Variants in MAP3K21 observed in about 807,000 individuals in gnomAD.
MAP3K21 encodes mitogen-activated protein kinase kinase kinase MLK4.
Under a neutral mutation model 86.1 loss-of-function variants are expected in MAP3K21, and 63 were observed. The ratio of observed to expected loss-of-function variants is 0.73; its 90% CI spans 0.60 to 0.90. The LOEUF (loss-of-function observed/expected upper bound fraction) is 0.90. Among genes scored for constraint, MAP3K21 ranks in the 40% least tolerant of loss-of-function variants. The probability of loss-of-function intolerance (pLI) is 0.00; values close to 1 mark genes in which losing one functional copy is unlikely to be tolerated. For missense variants in MAP3K21, 1,220 were observed against 1,367.7 expected (o/e 0.89, Z 1.70); for synonymous variants, 558 against 564.8 (o/e 0.99, Z 0.17).
At position 233,379,187 on chromosome 1, in the gene MAP3K21, C is replaced by G. The variant is rs201566282; in HGVS notation, c.2181C>G (p.Thr727=). Residue 727 remains threonine (T), a synonymous_variant, in exon 9 of 10, where the codon ACC becomes ACG. Coordinates refer to ENST00000366624, the MANE Select transcript of MAP3K21 (RefSeq NM_032435.3). Reference sequence around the variant, plus strand: ...CGGAGTCAGCTCTGTATGGGTGCACCGTCCTTCTGGCATCGGTGGCTCTGG... The same window carrying G: ...CGGAGTCAGCTCTGTATGGGTGCACGGTCCTTCTGGCATCGGTGGCTCTGG... The part of the protein sequence containing the change: ...KKTESALYGC[T]VLLASVALGL... 1.9e-6 allele frequency: 3 copies of G among 1,614,188 alleles called. No individual in the cohort carries two copies. Among genetic ancestry groups the G allele is most frequent in the Non-Finnish European group, 2.5e-6 (3 of 1,180,036 alleles).
At chr1:233,329,445 C>T (rs1294311) in intron 1 of MAP3K21, among the ~76,000 whole-genome samples, 5 of 151,750 alleles carry the variant, frequency 3.3e-5, no homozygotes, top group Admixed American at 2.0e-4. Flanking sequence ...CCTGAGGTTA[C>T]GAGTTTGAGA....
intron 2 of MAP3K21, among the ~76,000 whole-genome samples, chr1:233,349,165 GA>G (rs1481148115): frequency 6.6e-6 from 1 of 152,182 alleles, no homozygotes; most frequent in Admixed American, 6.5e-5. Flanking sequence ...GGTGAAGGCT[GA>G]GCGTGTGTGT....
Position 233,346,588 on chromosome 1 carries a change from T to G in MAP3K21, c.952T>G (p.Ser318Ala), listed in dbSNP as rs1481788846. ...CTGGATGGCCCCCGAAGTGATCAAG[T>G]CTTCCTTGTTTTCTAAGGGAAGCGA... ...YAWMAPEVIKSSLFSKGSDIW... is the reference protein window; with the variant it reads ...YAWMAPEVIKASLFSKGSDIW... The change falls in exon 2 of 10, where the codon TCT (serine) becomes GCT (alanine). Residue 318 changes from serine to alanine, a missense_variant. Ser to Ala is a moderately conservative substitution (Grantham distance 99). Coordinates refer to ENST00000366624, the MANE Select transcript of MAP3K21 (RefSeq NM_032435.3). 1 of 1,613,764 alleles carries G rather than the reference T, an allele frequency of 6.2e-7. No homozygotes were observed. The highest frequency in any genetic ancestry group is 2.2e-5 in the East Asian group (1 of 44,876).
Position 233,379,365 on chromosome 1 carries a change from G to T in MAP3K21, c.2359G>T (p.Ala787Ser), listed in dbSNP as rs765068135. The change falls in exon 9 of 10, where the codon GCC becomes TCC. Residue 787 changes from alanine to serine, a missense_variant. Ala to Ser is a moderately conservative substitution (Grantham distance 99). Coordinates refer to ENST00000366624, the MANE Select transcript of MAP3K21 (RefSeq NM_032435.3). ...AAGCCTGCCATCCACCTGTGGGGAG[G>T]CCAGCAGCCCACCCTCCCTGCCACT... The part of the protein sequence containing the change: ...PTSLPSTCGE[A>S]SSPPSLPLSS... 2 of 1,614,082 alleles carry T rather than the reference G, an allele frequency of 1.2e-6. No homozygotes were observed. The highest frequency in any genetic ancestry group is 3.3e-5 in the Admixed American group (2 of 59,996).
At chr1:233,374,630 G>A (rs753521846) in intron 6 of MAP3K21, among the ~76,000 whole-genome samples, 2 of 151,930 alleles carry the variant, frequency 1.3e-5, no homozygotes. Flanking sequence ...CCTCTACATA[G>A]CAATCCTCTC....
At chr1:233,357,805 G>C (rs1044933032) in intron 4 of MAP3K21, among the ~76,000 whole-genome samples, 2 of 152,220 alleles carry the variant, frequency 1.3e-5, no homozygotes, top group African/African-American at 4.8e-5. Context: ...TGTTATTCCA[G>C]AGTTACGCAG....
intron 8 of MAP3K21, 112 bp from the exon 9 acceptor site, chr1:233,378,819 G>A: frequency 1.2e-6 from 1 of 807,384 alleles, no homozygotes. Flanking sequence ...GGCTGCATGT[G>A]TTTTGATTTA....
chr1:233,328,622 G>C lies in MAP3K21; in HGVS notation c.594G>C (p.Leu198=). The change falls in exon 1 of 10, where the codon CTG becomes CTC. Residue 198 remains leucine (L), a synonymous_variant. Coordinates refer to ENST00000366624, the MANE Select transcript of MAP3K21 (RefSeq NM_032435.3). This position sits in a 1 kb window ranked among gnomAD's most constrained non-coding sequence, Gnocchi z 8.7. The part of the protein sequence containing the change: ...GVCLQQPHLC[L]VLEFARGGAL... Reference sequence around the variant, plus strand: ...GCCTGCAGCAGCCGCACCTCTGCCTGGTGCTGGAGTTCGCCCGCGGCGGAG... The same window carrying C: ...GCCTGCAGCAGCCGCACCTCTGCCTCGTGCTGGAGTTCGCCCGCGGCGGAG... 1 of 1,470,742 alleles carries C rather than the reference G, an allele frequency of 6.8e-7. No individual in the cohort carries two copies. Among genetic ancestry groups the C allele is most frequent in the Non-Finnish European group, 9.0e-7 (1 of 1,115,292 alleles). The allele number at this position is 1,470,742 out of a possible 1,614,324, so 91.1% of individuals were successfully genotyped here. A position where few individuals can be genotyped will look rare whatever the true frequency, so the allele number is the denominator to read the frequency against.
chr1:233,357,369 G>A (rs1418453938), intron 4 of MAP3K21, among the ~76,000 whole-genome samples: 2 of 151,034 alleles, frequency 1.3e-5, no homozygotes, highest in Non-Finnish European at 2.9e-5. Flanking sequence ...AAACCTGCAC[G>A]TTGTGCACAT....
chr1:233,362,651 A>G (rs1663486990), intron 5 of MAP3K21, among the ~76,000 whole-genome samples: 1 of 152,098 alleles, frequency 6.6e-6, no homozygotes, highest in South Asian at 2.1e-4. Flanking sequence ...CAAAACAACG[A>G]AACTGTTAAT....
intron 2 of MAP3K21, among the ~76,000 whole-genome samples, chr1:233,350,641 A>T (rs187169525): frequency 1.3e-5 from 2 of 152,190 alleles, no homozygotes; most frequent in South Asian, 2.1e-4. Context: ...TGTCTTATGC[A>T]CTTAGATATT....
At chr1:233,379,869 A>G (rs1168892996) in intron 9 of MAP3K21, among the ~76,000 whole-genome samples, 159 bp downstream of exon 9, 6 of 152,072 alleles carry the variant, frequency 3.9e-5, no homozygotes, top group Non-Finnish European at 8.8e-5. Flanking sequence ...CTCTTATTTG[A>G]TTTTAACTAT....
chr1:233,344,986 T>C (rs147575191), intron 1 of MAP3K21, among the ~76,000 whole-genome samples: 64,399 of 151,818 alleles, frequency 0.42, 14,823 homozygotes, highest in African/African-American at 0.57. Context: ...AAAAAATGCT[T>C]ATCACTACTG....
intron 9 of MAP3K21, 77 bp downstream of exon 9, chr1:233,379,787 T>A: frequency 8.8e-7 from 1 of 1,131,322 alleles, no homozygotes; most frequent in Non-Finnish European, 1.3e-6. Context: ...GATTTATGAT[T>A]TTATCTTTTC....
At chr1:233,378,528 A>G (rs1040419791) in intron 8 of MAP3K21, among the ~76,000 whole-genome samples, 3 of 152,264 alleles carry the variant, frequency 2.0e-5, no homozygotes, top group African/African-American at 4.8e-5. Flanking sequence ...GGAAAGCTGT[A>G]GATAATGGAG....
intron 6 of MAP3K21, chr1:233,375,701 A>G: frequency 1.9e-6 from 1 of 518,138 alleles, no homozygotes; most frequent in East Asian, 3.3e-5. Flanking sequence ...TCGAATTTGT[A>G]TCTTTTCTGT....
intron 1 of MAP3K21, among the ~76,000 whole-genome samples, chr1:233,337,247 G>A (rs1484089354): frequency 6.6e-6 from 1 of 152,184 alleles, no homozygotes; most frequent in Non-Finnish European, 1.5e-5. Context: ...ACAAATGAAT[G>A]TGGCAGTGTT....
rs1662722006 is a variant in MAP3K21 at position 233,327,868 on chromosome 1, T to C, written c.-161T>C. On this transcript the variant is annotated 5_prime_UTR_variant, in exon 1 of 10. Coordinates refer to ENST00000366624, the MANE Select transcript of MAP3K21 (RefSeq NM_032435.3). Reference sequence around the variant, plus strand: ...AGGAACGCGGGCCGAGGCTGGACCCTTTGGGCAGCTAGCCCGTGATCTCTG... The same window carrying C: ...AGGAACGCGGGCCGAGGCTGGACCCCTTGGGCAGCTAGCCCGTGATCTCTG... The C allele has an allele frequency of 4.0e-6, 2 of 498,314 alleles. No individual in the cohort carries two copies. The highest frequency in any genetic ancestry group is 6.1e-6 in the Non-Finnish European group (2 of 326,004). The allele number at this position is 498,314 out of a possible 1,614,324, so 30.9% of individuals were successfully genotyped here. A position where few individuals can be genotyped will look rare whatever the true frequency, so the allele number is the denominator to read the frequency against.
intron 1 of MAP3K21, among the ~76,000 whole-genome samples, chr1:233,345,762 A>G (rs910459218): frequency 2.8e-5 from 4 of 142,982 alleles, no homozygotes; most frequent in African/African-American, 1.1e-4. Flanking sequence ...TAATAATAAT[A>G]AAAGCACATT....
Sources: allele counts gnomAD v4.1 joint callset (sites outside exome capture counted in the v4.1 genomes callset), GRCh38; gene constraint gnomAD v4.1.1; non-coding constraint Gnocchi (gnomAD v3.1); transcripts MANE v1.5; gene names NCBI Gene and HGNC (gene_info 2026-07-23, HGNC 2026-07-21).